The following NEK5 variants were observed in gnomAD, a reference collection of about 807,000 sequenced individuals.
NEK5 encodes the protein NIMA related kinase 5, also known as serine/threonine-protein kinase Nek5.
A neutral mutation model predicts 109.2 loss-of-function variants in NEK5; 88 were observed. The ratio of observed to expected loss-of-function variants is 0.81; its 90% CI spans 0.68 to 0.96. NEK5 has a LOEUF of 0.96. Among genes scored for constraint, NEK5 ranks in the 40% least tolerant of loss-of-function variants. The probability of loss-of-function intolerance (pLI) is 0.00; values close to 1 mark genes in which losing one functional copy is unlikely to be tolerated. For missense variants in NEK5, 834 were observed against 920.7 expected (o/e 0.91, Z 1.22); for synonymous variants, 283 against 299.9 (o/e 0.94, Z 0.58).
At chr13:52,090,792 A>G (rs12874760) in intron 13 of NEK5, among the ~76,000 whole-genome samples, 85,479 of 151,900 alleles carry the variant, frequency 0.56, 25,913 homozygotes, top group Non-Finnish European at 0.68. Context: ...TTGGGAGGCC[A>G]AGGCGGGTGG....
At position 52,127,434 on chromosome 13, in the gene NEK5, T is replaced by TC; in HGVS notation, c.48dup (p.Lys17GlufsTer6). ...GATTTCCCTTTAGCTAAGTATGCTTTCCCGAAGGCACCTTGCCCGATGGCC... is the reference window on the plus strand; with the variant it reads ...GATTTCCCTTTAGCTAAGTATGCTTTCCCCGAAGGCACCTTGCCCGATGGCC... On this transcript the variant is annotated frameshift_variant, in exon 3 of 24. Transcript: ENST00000684899. LOFTEE classifies it high-confidence loss of function. 1 of 1,613,370 alleles carries TC rather than the reference T, an allele frequency of 6.2e-7. No individual in the cohort carries two copies. Among genetic ancestry groups the TC allele is most frequent in the Non-Finnish European group, 8.5e-7 (1 of 1,179,260 alleles).
At chr13:52,113,620 T>C (rs1955797117) in intron 4 of NEK5, among the ~76,000 whole-genome samples, 1 of 152,144 alleles carries the variant, frequency 6.6e-6, no homozygotes, top group Non-Finnish European at 1.5e-5. Flanking sequence ...TGTCATTTCC[T>C]TAAATTTTTT....
At chr13:52,045,890 G>A (rs1328274479) in intron 23 of NEK5, among the ~76,000 whole-genome samples, 1 of 151,334 alleles carries the variant, frequency 6.6e-6, no homozygotes, top group East Asian at 1.9e-4. Context: ...GAACAACATG[G>A]TGAAACCCCA....
chr13:52,082,735 A>G (rs1955039948), intron 17 of NEK5, among the ~76,000 whole-genome samples: 1 of 152,220 alleles, frequency 6.6e-6, no homozygotes, highest in African/African-American at 2.4e-5. Context: ...GAACGTTCTT[A>G]TACTAAATAG....
chr13:52,087,197 C>T (rs1029759215), intron 15 of NEK5, 141 bp downstream of exon 15: 4 of 484,156 alleles, frequency 8.3e-6, no homozygotes, highest in Admixed American at 6.1e-5. Context: ...AAATACCTAA[C>T]TCTGTATCCC....
At chr13:52,039,208 A>G (rs1011861964) in intron 23 of NEK5, among the ~76,000 whole-genome samples, 1 of 152,204 alleles carries the variant, frequency 6.6e-6, no homozygotes, top group Middle Eastern at 3.2e-3. Context: ...AACGCGTACT[A>G]TCTCTGTGAA....
intron 22 of NEK5, among the ~76,000 whole-genome samples, chr13:52,054,575 G>T (rs374974849): frequency 5.9e-5 from 9 of 152,204 alleles, no homozygotes; most frequent in Non-Finnish European, 1.0e-4. Context: ...GAGAGCAGTG[G>T]TTCTCCCAGC....
At chr13:52,071,382 T>C (rs1954780978) in intron 20 of NEK5, among the ~76,000 whole-genome samples, 1 of 152,202 alleles carries the variant, frequency 6.6e-6, no homozygotes, top group Non-Finnish European at 1.5e-5. Flanking sequence ...GCTCCTCCAA[T>C]ATGACCCTAT....
At chr13:52,101,509 C>T (rs1453785062) in intron 11 of NEK5, among the ~76,000 whole-genome samples, 1 of 152,224 alleles carries the variant, frequency 6.6e-6, no homozygotes, top group East Asian at 1.9e-4. Flanking sequence ...CCCCAAGATC[C>T]TAACTTCAGC....
At chr13:52,128,631 C>A (rs1477906911) in intron 1 of NEK5, among the ~76,000 whole-genome samples, 1 of 152,132 alleles carries the variant, frequency 6.6e-6, no homozygotes, top group African/African-American at 2.4e-5. Context: ...GGAGAGGCTG[C>A]AGACACCGGA....
intron 21 of NEK5, among the ~76,000 whole-genome samples, chr13:52,062,419 TTTTC>T (rs1389860052): frequency 5.1e-4 from 78 of 152,040 alleles, no homozygotes; most frequent in South Asian, 8.3e-4. Context: ...CTCTTCTTTT[TTTTC>T]TTTCTTTCTT....
At chr13:52,071,671 G>A (rs1180841046) in intron 20 of NEK5, among the ~76,000 whole-genome samples, 1 of 152,302 alleles carries the variant, frequency 6.6e-6, no homozygotes, top group East Asian at 1.9e-4. Flanking sequence ...CTTCCCAGAA[G>A]ACAATGAGAA....
chr13:52,094,233 CCTT>C (rs1258167947), intron 12 of NEK5, among the ~76,000 whole-genome samples: 1 of 152,122 alleles, frequency 6.6e-6, no homozygotes, highest in Non-Finnish European at 1.5e-5. Context: ...CCAGTCAAGA[CCTT>C]CTTGCTAAAG....
At chr13:52,061,624 T>A (rs1026221512) in intron 22 of NEK5, among the ~76,000 whole-genome samples, 195 bp downstream of exon 22, 52 of 152,118 alleles carry the variant, frequency 3.4e-4, no homozygotes, top group African/African-American at 1.3e-3. Context: ...ATTACACCAC[T>A]CTCCTGGAAA....
At position 52,079,347 on chromosome 13, in the gene NEK5, C is replaced by T. The variant is rs189647530; in HGVS notation, c.1573-3204G>A. Among the ~76,000 whole-genome samples the T allele has an allele frequency of 1.7e-4, 24 of 142,950 alleles. 1 individual carries two copies. In the East Asian group the frequency reaches 3.2e-3, roughly 19 times the overall value. The allele number at this position is 142,950 out of a possible 152,430, so 93.8% of individuals were successfully genotyped here. A position where few individuals can be genotyped will look rare whatever the true frequency, so the allele number is the denominator to read the frequency against. Reference sequence around the variant, plus strand: ...TCTTTCCACGGTCTCCCTCTGATGCCGAGCCGAAGCTGGACTGTACTGCTG... The same window carrying T: ...TCTTTCCACGGTCTCCCTCTGATGCTGAGCCGAAGCTGGACTGTACTGCTG... On this transcript the variant is annotated intron_variant, in intron 17 of 23. Transcript: ENST00000684899.
At chr13:52,068,995 AG>A (rs1217149237) in intron 20 of NEK5, among the ~76,000 whole-genome samples, 2 of 151,766 alleles carry the variant, frequency 1.3e-5, no homozygotes, top group Non-Finnish European at 2.9e-5. Context: ...AAAAGAAAAA[AG>A]AAAAAAAAAG....
At chr13:52,108,442 T>G (rs1419078742) in intron 7 of NEK5, 38 bp from the exon 8 acceptor site, 1 of 1,290,848 alleles carries the variant, frequency 7.7e-7, no homozygotes, top group Non-Finnish European at 1.1e-6. Flanking sequence ...AGCATGATTT[T>G]TTATTGGAGT....
rs1200533127 is a variant in NEK5, at chr13:52,127,455, T to C, written c.28A>G (p.Ile10Val). Reference protein sequence around the residue: MDKYDVIKAIGQGAFGKAYL... With the variant: MDKYDVIKAVGQGAFGKAYL... ...GCTTTCCCGAAGGCACCTTGCCCGA[T>C]GGCCTTAATCACATCGTACTTATCC... The change falls in exon 3 of 24, where the codon ATC (isoleucine) becomes GTC (valine). Residue 10 changes from isoleucine (I) to valine (V), a missense_variant. By Grantham distance (29) the Ile-to-Val change is conservative (BLOSUM62 3). Around this residue, in one of 2 missense-constraint regions of NEK5, gnomAD observed 777 missense variants for 824.7 expected, o/e 0.94. Transcript: ENST00000684899. The C allele has an allele frequency of 1.2e-6, 2 of 1,610,820 alleles. No individual in the cohort carries two copies. The highest frequency in any genetic ancestry group is 1.7e-6 in the Non-Finnish European group (2 of 1,176,966).
At position 52,072,058 on chromosome 13, in the gene NEK5, G is replaced by T; in HGVS notation, c.1735C>A (p.Pro579Thr). The change falls in exon 20 of 24, where the codon CCA (proline) becomes ACA (threonine). Residue 579 changes from proline to threonine, a missense_variant. Pro to Thr is a conservative substitution (Grantham distance 38). This residue lies in a region of NEK5 where 777 missense variants were observed against 824.7 expected (regional missense o/e 0.94). Transcript: ENST00000684899. The part of the protein sequence containing the change: ...ILQEEEAMDI[P>T]NETLTFEDGM... The stretch of plus-strand genomic sequence containing the variant: ...TCCTCAAAGGTCAAAGTTTCATTTG[G>T]TATATCCATTGCCTAAATCAATTCC... 1.2e-6 allele frequency: 2 copies of T among 1,610,910 alleles called. No individual in the cohort carries two copies. Among genetic ancestry groups the T allele is most frequent in the Non-Finnish European group, 8.5e-7 (1 of 1,177,470 alleles).
Sources: allele counts gnomAD v4.1 joint callset (sites outside exome capture counted in the v4.1 genomes callset), GRCh38; gene constraint gnomAD v4.1.1; regional missense constraint gnomAD v4.1.1; transcripts MANE v1.5; gene names NCBI Gene and HGNC (gene_info 2026-07-23, HGNC 2026-07-21).